Variants in SGPL1 observed in about 807,000 individuals in gnomAD.
SGPL1 encodes the protein sphingosine-1-phosphate lyase 1, also known as SP-lyase 1.
SGPL1 carries 37 observed loss-of-function variants against 68.9 expected under a neutral mutation model. That is an observed-to-expected ratio of 0.54 (90% CI 0.41 to 0.71). The LOEUF (loss-of-function observed/expected upper bound fraction) is 0.71. Ranked by LOEUF, SGPL1 falls within the 30% of genes least tolerant of loss-of-function variation. The pLI is 0.00. For missense variants in SGPL1, 551 were observed against 704.6 expected (o/e 0.78, Z 2.47); for synonymous variants, 236 against 248.5 (o/e 0.95, Z 0.47).
In SGPL1 at chr10:70,819,826, T is replaced by C. The variant is rs144669428; in HGVS notation, c.27+2946T>C. 8.9e-3 allele frequency among the ~76,000 whole-genome samples: 1,347 copies of C among 152,086 alleles called. 10 individuals carry two copies. Among genetic ancestry groups the C allele is most frequent in the South Asian group, 0.027 (129 of 4,814 alleles). ...TTGTATTTATTTTTTGTAGAGATGG[T>C]AGTTTGCCATGTTACCCAGGCTGGT... On this transcript the variant is annotated intron_variant, in intron 2 of 14. Transcript: ENST00000373202.
At chr10:70,818,176 A>G (rs149039262) in intron 2 of SGPL1, among the ~76,000 whole-genome samples, 2,715 of 152,286 alleles carry the variant, frequency 0.018, 58 homozygotes, top group African/African-American at 0.055. Flanking sequence ...GCTGGAGTGC[A>G]ATGGCACAAT....
intron 1 of SGPL1, among the ~76,000 whole-genome samples, chr10:70,816,448 G>C (rs1186668981): frequency 6.6e-6 from 1 of 152,164 alleles, no homozygotes; most frequent in Non-Finnish European, 1.5e-5. Flanking sequence ...ATTCTGAAGG[G>C]AGTGCGGAGG....
intron 8 of SGPL1, chr10:70,869,233 A>T (rs1028314923): frequency 2.0e-5 from 3 of 152,282 alleles, no homozygotes; most frequent in Non-Finnish European, 4.4e-5. Flanking sequence ...AATACCCGTG[A>T]CCTCATTTTC....
In SGPL1 at chr10:70,879,060, A is replaced by T. The variant is rs929301294; in HGVS notation, c.*1725A>T. ...TGTGCCTTTCTCCTCAGCAGTGAGC[A>T]GTGAGCTACTCCTGGCCCAGGCCCT... is the stretch of plus-strand genomic sequence containing the variant. On this transcript the variant is annotated 3_prime_UTR_variant, in exon 15 of 15. Transcript: ENST00000373202. 9 of 152,900 alleles carry T rather than the reference A, an allele frequency of 5.9e-5. No homozygotes were observed. Among genetic ancestry groups the T allele is most frequent in the African/African-American group, 2.2e-4 (9 of 41,460 alleles). 9.5% of individuals were successfully genotyped at this position (152,900 alleles called of 1,614,324 possible). A position where few individuals can be genotyped will look rare whatever the true frequency, so the allele number is the denominator to read the frequency against.
rs763594645 is a variant in SGPL1 at position 70,876,670 on chromosome 10, A to C, written c.1566+9A>C. 1 of 1,601,800 alleles carries C rather than the reference A, an allele frequency of 6.2e-7. No homozygotes were observed. Among genetic ancestry groups the C allele is most frequent in the Non-Finnish European group, 8.5e-7 (1 of 1,176,518 alleles). ...CGAAGACCACAGGAATGGTAGGGAC[A>C]CTTGGAGTTTTTTTTCTTCTCTTGG... On this transcript the variant is annotated intron_variant, in intron 14 of 14. Transcript: ENST00000373202.
intron 2 of SGPL1, among the ~76,000 whole-genome samples, chr10:70,841,867 C>T (rs937793648): frequency 2.6e-5 from 4 of 152,096 alleles, no homozygotes; most frequent in African/African-American, 9.7e-5. Context: ...ACCTTCCCTT[C>T]CTCTTCTAGT....
chr10:70,816,339 G>T (rs1401833101), intron 1 of SGPL1, among the ~76,000 whole-genome samples: 1 of 151,522 alleles, frequency 6.6e-6, no homozygotes, highest in Non-Finnish European at 1.5e-5. Context: ...CCGCGGTGGG[G>T]CGGGTCTGGA....
At position 70,871,131 on chromosome 10, in the gene SGPL1, C is replaced by T; in HGVS notation, c.894C>T (p.Val298=). 1 of 1,611,868 alleles carries T rather than the reference C, an allele frequency of 6.2e-7. No individual in the cohort carries two copies. Among genetic ancestry groups the T allele is most frequent in the Non-Finnish European group, 8.5e-7 (1 of 1,178,610 alleles). Residue 298 remains valine (V), a synonymous_variant, in exon 10 of 15, where the codon GTC becomes GTT. Coordinates refer to ENST00000373202, the MANE Select transcript of SGPL1 (RefSeq NM_003901.4). ...TTCCTCATGGTGTAATAGATCCTGTCCCTGAAGTGGCCAAGGTATATGAGA... is the reference window on the plus strand; with the variant it reads ...TTCCTCATGGTGTAATAGATCCTGTTCCTGAAGTGGCCAAGGTATATGAGA... ...PQFPHGVIDP[V]PEVAKLAVKY... is the part of the protein sequence containing the mutation.
In SGPL1 at chr10:70,877,313, A is replaced by G; in HGVS notation, c.1685A>G (p.Asn562Ser). The G allele has an allele frequency of 6.2e-7, 1 of 1,614,148 alleles. No homozygotes were observed. The highest frequency in any genetic ancestry group is 8.5e-7 in the Non-Finnish European group (1 of 1,180,006). Residue 562 changes from asparagine to serine, a missense_variant, in exon 15 of 15, where the codon AAT (asparagine) becomes AGT (serine). Coordinates refer to ENST00000373202, the MANE Select transcript of SGPL1 (RefSeq NM_003901.4). ...ACTGTCACCCAGGGCAGCCAGATGA[A>G]TGGTTCTCCAAAACCCCACTGAACT... ...TDTVTQGSQM[N>S]GSPKPH
chr10:70,847,393 C>T (rs1379364119), intron 3 of SGPL1, among the ~76,000 whole-genome samples: 1 of 152,148 alleles, frequency 6.6e-6, no homozygotes, highest in Non-Finnish European at 1.5e-5. Context: ...AGGTGATCCG[C>T]CCACCTCAAC....
At chr10:70,872,572 A>T (rs1186122409) in intron 11 of SGPL1, among the ~76,000 whole-genome samples, 4 of 152,204 alleles carry the variant, frequency 2.6e-5, no homozygotes, top group Non-Finnish European at 5.9e-5. Context: ...GATGTGGAAG[A>T]AGTATTAGCA....
chr10:70,863,799 T>C (rs908015156), intron 7 of SGPL1, among the ~76,000 whole-genome samples: 1 of 152,204 alleles, frequency 6.6e-6, no homozygotes, highest in Non-Finnish European at 1.5e-5. Context: ...TTCTTTTCTC[T>C]TTTGCAGTAG....
Position 70,871,762 on chromosome 10 carries a change from T to A in SGPL1, c.910-75T>A, listed in dbSNP as rs911878568. ...TAGCCTTGTGTTTATAGCCCATCTT[T>A]CCACCCATGTCTTGCAGTTTTTATT... On this transcript the variant is annotated intron_variant, in intron 10 of 14. Coordinates refer to ENST00000373202, the MANE Select transcript of SGPL1 (RefSeq NM_003901.4). The A allele has an allele frequency of 4.2e-6, 6 of 1,418,406 alleles. No individual in the cohort carries two copies. The African/African-American group carries it at 8.5e-5, about 20-fold the overall frequency. 87.9% of individuals were successfully genotyped at this position (1,418,406 alleles called of 1,614,324 possible). A position where few individuals can be genotyped will look rare whatever the true frequency, so the allele number is the denominator to read the frequency against.
chr10:70,876,621 C>T lies in SGPL1; in HGVS notation c.1526C>T (p.Thr509Ile), dbSNP rs770961135. The change falls in exon 14 of 15, where the codon ACT becomes ATT. Residue 509 changes from threonine (T) to isoleucine (I), a missense_variant. Transcript: ENST00000373202. ...CTAAAGGACATTCGAGAATCTGTCA[C>T]TCAAATCATGAAGAATCCTAAAGCG... ...QFLKDIRESVTQIMKNPKAKT... is the reference protein window; with the variant it reads ...QFLKDIRESVIQIMKNPKAKT... 6.2e-7 allele frequency: 1 copy of T among 1,613,820 alleles called. No homozygotes were observed. Among genetic ancestry groups the T allele is most frequent in the South Asian group, 1.1e-5 (1 of 91,056 alleles).
At chr10:70,851,265 C>A (rs981796429) in intron 4 of SGPL1, 55 bp downstream of exon 4, 1 of 1,380,806 alleles carries the variant, frequency 7.2e-7, no homozygotes, top group African/African-American at 1.4e-5. Context: ...ATACCTCTTT[C>A]TTTCTATTTA....
chr10:70,821,469 C>T (rs528220483), intron 2 of SGPL1, among the ~76,000 whole-genome samples: 11 of 151,970 alleles, frequency 7.2e-5, no homozygotes, highest in Non-Finnish European at 1.3e-4. Context: ...GCGTGTGCAC[C>T]CTGGTAGTGC....
intron 7 of SGPL1, among the ~76,000 whole-genome samples, chr10:70,867,353 A>G (rs186010857): frequency 1.6e-4 from 25 of 152,308 alleles, no homozygotes; most frequent in Admixed American, 1.6e-3. Flanking sequence ...ACTTGAGGCC[A>G]GGAGCTTGAG....
chr10:70,841,678 T>G (rs955929253), intron 2 of SGPL1, among the ~76,000 whole-genome samples: 2 of 152,160 alleles, frequency 1.3e-5, no homozygotes, highest in Non-Finnish European at 1.5e-5. Context: ...TATGAATTTT[T>G]GGGGGATGTA....
intron 2 of SGPL1, among the ~76,000 whole-genome samples, chr10:70,835,302 G>C (rs1369464894): frequency 1.3e-5 from 2 of 152,080 alleles, no homozygotes; most frequent in Non-Finnish European, 2.9e-5. Flanking sequence ...AAAATTATTT[G>C]GTTGTTCTCC....
Sources: gnomAD v4.1 joint callset for allele counts (sites outside exome capture counted in the v4.1 genomes callset) on GRCh38, gnomAD v4.1.1 for gene constraint, MANE v1.5 for transcripts, NCBI Gene and HGNC (gene_info 2026-07-23, HGNC 2026-07-21) for gene names.